The following HERC4 variants were observed in gnomAD, a reference collection of about 807,000 sequenced individuals.
The protein encoded by HERC4 is probable E3 ubiquitin-protein ligase HERC4.
Under a neutral mutation model 124.3 loss-of-function variants are expected in HERC4, and 28 were observed. The observed-to-expected ratio is 0.23, with a 90% confidence interval of 0.17 to 0.31. The LOEUF is 0.31. Ranked by LOEUF, HERC4 falls within the 10% of genes least tolerant of loss-of-function variation. The probability of loss-of-function intolerance (pLI) is 1.00; values close to 1 mark genes in which losing one functional copy is unlikely to be tolerated. For missense variants in HERC4, 713 were observed against 1,229.3 expected, an observed-to-expected ratio of 0.58 and a Z score of 6.28; for synonymous variants, 407 against 421.5, an observed-to-expected ratio of 0.97 and a Z score of 0.42.
At chr10:67,946,794 C>A (rs551194118) in intron 19 of HERC4, among the ~76,000 whole-genome samples, 2 of 152,252 alleles carry the variant, frequency 1.3e-5, no homozygotes, top group African/African-American at 4.8e-5. Context: ...GTAGTCCCAG[C>A]TACTCGGGAG....
chr10:67,993,534 A>G (rs1185358743), intron 9 of HERC4: 1 of 152,056 alleles, frequency 6.6e-6, no homozygotes, highest in Non-Finnish European at 1.5e-5. Flanking sequence ...TAAAAAAAAA[A>G]AAAATTATTC....
intron 7 of HERC4, among the ~76,000 whole-genome samples, chr10:68,029,557 T>C (rs1451513467): frequency 6.6e-6 from 1 of 151,756 alleles, no homozygotes; most frequent in Non-Finnish European, 1.5e-5. Context: ...TTAGTGTATT[T>C]CCCCCTAGTG....
chr10:67,972,220 A>G (rs1406229309), intron 15 of HERC4, among the ~76,000 whole-genome samples: 2 of 119,926 alleles, frequency 1.7e-5, no homozygotes, highest in Non-Finnish European at 1.7e-5. Flanking sequence ...GTCTCAAAGG[A>G]AAAAAAAAAA....
intron 23 of HERC4, among the ~76,000 whole-genome samples, chr10:67,929,801 C>T (rs942128435): frequency 2.6e-5 from 4 of 151,832 alleles, no homozygotes; most frequent in African/African-American, 2.4e-5. Context: ...AGGTGTGAGA[C>T]ACCACACCCA....
chr10:67,979,497 T>C (rs1057114454), intron 15 of HERC4, among the ~76,000 whole-genome samples: 2 of 151,934 alleles, frequency 1.3e-5, no homozygotes, highest in Non-Finnish European at 2.9e-5. Flanking sequence ...GTTACTGGCC[T>C]TAAAGAGGAG....
At chr10:68,002,599 C>CTTT (rs375700847) in intron 9 of HERC4, among the ~76,000 whole-genome samples, 20 of 132,574 alleles carry the variant, frequency 1.5e-4, no homozygotes, top group Admixed American at 2.4e-4. Context: ...TAAATTTTTA[C>CTTT]TTTTTTTTTT....
chr10:68,038,095 T>C lies in HERC4; in HGVS notation c.461A>G (p.Lys154Arg). Residue 154 changes from lysine (K) to arginine (R), a missense_variant and splice_region_variant, in exon 5 of 25, where the codon AAA (lysine) becomes AGA (arginine). Physicochemically the swap from Lys to Arg is conservative, Grantham distance 26 (BLOSUM62 2). Transcript: ENST00000373700. Reference protein sequence around the residue: ...CGYYHSLALSKASEVFCWGQN... With the variant: ...CGYYHSLALSRASEVFCWGQN... ...ATAAAATAAAAACTAATGCTTACCT[T>C]TAGAAAGTGCAAGTGAATGATAGTA... 6.7e-7 allele frequency: 1 copy of C among 1,481,986 alleles called. No homozygotes were observed. Among genetic ancestry groups the C allele is most frequent in the Non-Finnish European group, 9.1e-7 (1 of 1,099,774 alleles). The allele number at this position is 1,481,986 out of a possible 1,614,324, so 91.8% of individuals were successfully genotyped here.
intron 3 of HERC4, chr10:68,068,872 T>C (rs1453454186): frequency 1.1e-5 from 2 of 174,970 alleles, no homozygotes; most frequent in East Asian, 3.8e-4. Context: ...TTAACCTCAG[T>C]GTCCTCATCT....
In HERC4 at chr10:67,940,076, C is replaced by T. The variant is rs773118469; in HGVS notation, c.2505-422G>A. On this transcript the variant is annotated intron_variant, in intron 20 of 24. Coordinates refer to ENST00000373700, the MANE Select transcript of HERC4 (RefSeq NM_015601.4). ...CAGAGCAGCTGGGATTACAGGCGACCGCCACCATGCCCGGCTAATTTTTGT... is the reference window on the plus strand; with the variant it reads ...CAGAGCAGCTGGGATTACAGGCGACTGCCACCATGCCCGGCTAATTTTTGT... 5.9e-5 allele frequency among the ~76,000 whole-genome samples: 9 copies of T among 151,758 alleles called. No individual in the cohort carries two copies. The South Asian group carries it at 6.3e-4, about 11-fold the overall frequency.
intron 16 of HERC4, among the ~76,000 whole-genome samples, chr10:67,957,237 T>C: frequency 6.6e-6 from 1 of 152,236 alleles, no homozygotes; most frequent in Admixed American, 6.5e-5. Flanking sequence ...GCTTAGCATA[T>C]GTTAATTGCA....
In HERC4 at chr10:68,059,721, T is replaced by TATATTATA. The variant is rs1554830334; in HGVS notation, c.226+13154_226+13161dup. Among the ~76,000 whole-genome samples, 5 of 42,310 alleles carry TATATTATA rather than the reference T, an allele frequency of 1.2e-4. 1 individual carries two copies. The African/African-American group carries it at 2.4e-3, about 20-fold the overall frequency. The allele number at this position is 42,310 out of a possible 152,430, so 27.8% of individuals were successfully genotyped here. A position where few individuals can be genotyped will look rare whatever the true frequency, so the allele number is the denominator to read the frequency against. On this transcript the variant is annotated intron_variant, in intron 3 of 24. Transcript: ENST00000373700. ...TATAATATTATATATCATAATATTA[T>TATATTATA]ATATTATATATCATAATATTATATA...
intron 15 of HERC4, among the ~76,000 whole-genome samples, chr10:67,973,590 G>C (rs376710802): frequency 2.6e-5 from 4 of 152,104 alleles, no homozygotes; most frequent in Non-Finnish European, 5.9e-5. Context: ...GAGAGAGTGA[G>C]GTATAGTCAA....
chr10:68,043,267 T>C (rs915884462), intron 4 of HERC4, among the ~76,000 whole-genome samples: 6 of 152,192 alleles, frequency 3.9e-5, no homozygotes, highest in African/African-American at 1.4e-4. Flanking sequence ...TTGAGAATAC[T>C]GACTCAGAAG....
intron 8 of HERC4, 120 bp from the exon 9 acceptor site, chr10:68,014,306 T>C (rs1344540780): frequency 1.2e-6 from 1 of 858,778 alleles, no homozygotes; most frequent in South Asian, 2.2e-5. Context: ...ATAAAACCAA[T>C]TGTAGTTCCA....
chr10:67,975,058 G>C (rs544293878), intron 15 of HERC4, among the ~76,000 whole-genome samples: 1 of 151,892 alleles, frequency 6.6e-6, no homozygotes, highest in Admixed American at 6.6e-5. Flanking sequence ...GCATGGTGGC[G>C]CACGCCTGTA....
chr10:67,950,074 A>T (rs1349763442), intron 19 of HERC4, among the ~76,000 whole-genome samples: 1 of 152,114 alleles, frequency 6.6e-6, no homozygotes, highest in Non-Finnish European at 1.5e-5. Context: ...CATTACACAA[A>T]AGAGTATCTC....
intron 14 of HERC4, among the ~76,000 whole-genome samples, chr10:67,989,640 T>C (rs1365685968): frequency 2.0e-5 from 3 of 151,828 alleles, no homozygotes; most frequent in African/African-American, 7.3e-5. Context: ...GCAAAAAAAG[T>C]ATAAAGGCCA....
At chr10:68,072,859 A>T (rs777848065) in intron 3 of HERC4, 24 bp downstream of exon 3, 15 of 1,494,406 alleles carry the variant, frequency 1.0e-5, no homozygotes, top group Non-Finnish European at 1.4e-5. Flanking sequence ...AAAAATAGCA[A>T]ATTTTAAAAA....
chr10:67,939,802 T>C (rs919652131), intron 20 of HERC4, 148 bp from the exon 21 acceptor site: 3 of 438,090 alleles, frequency 6.8e-6, no homozygotes, highest in Non-Finnish European at 1.2e-5. Flanking sequence ...TGTTTCAGAA[T>C]AGTGAATACA....
Sources: allele counts gnomAD v4.1 joint callset (sites outside exome capture counted in the v4.1 genomes callset), GRCh38; gene constraint gnomAD v4.1.1; transcripts MANE v1.5; gene names NCBI Gene and HGNC (gene_info 2026-07-23, HGNC 2026-07-21).